The following FIG4 variants were observed in gnomAD, a reference collection of about 807,000 sequenced individuals.
The protein encoded by FIG4 is polyphosphoinositide phosphatase.
A neutral mutation model predicts 118.6 loss-of-function variants in FIG4; 112 were observed. That is an observed-to-expected ratio of 0.94 (90% CI 0.81 to 1.11). The LOEUF is 1.11. Among genes scored for constraint, FIG4 ranks in the 50% least tolerant of loss-of-function variants. The probability of loss-of-function intolerance (pLI) is 0.00; values close to 1 mark genes in which losing one functional copy is unlikely to be tolerated. For synonymous variants in FIG4, 369 were observed against 381.2 expected, an observed-to-expected ratio of 0.97 and a Z score of 0.37; for missense variants, 969 against 1,111.7, an observed-to-expected ratio of 0.87 and a Z score of 1.83.
intron 15 of FIG4, among the ~76,000 whole-genome samples, chr6:109,774,090 G>A (rs1777546805): frequency 6.6e-6 from 1 of 152,144 alleles, no homozygotes; most frequent in African/African-American, 2.4e-5. Context: ...GGGATTACAG[G>A]CATGAGCCTC....
intron 10 of FIG4, among the ~76,000 whole-genome samples, chr6:109,745,058 T>C (rs1440354428): frequency 6.6e-6 from 1 of 152,208 alleles, no homozygotes; most frequent in Non-Finnish European, 1.5e-5. Flanking sequence ...GCATTTGGGT[T>C]GGTTCCAAGT....
chr6:109,818,687 C>G (rs1778927794), intron 22 of FIG4, among the ~76,000 whole-genome samples: 1 of 152,102 alleles, frequency 6.6e-6, no homozygotes, highest in Non-Finnish European at 1.5e-5. Context: ...TGGAACATAT[C>G]CCTGAAGGAT....
At chr6:109,716,924 A>C (rs1257418286) in intron 3 of FIG4, among the ~76,000 whole-genome samples, 1 of 152,146 alleles carries the variant, frequency 6.6e-6, no homozygotes, top group Non-Finnish European at 1.5e-5. Context: ...AAATCACGTA[A>C]AACTGGATTT....
At chr6:109,800,774 GTT>G (rs557373027) in intron 22 of FIG4, among the ~76,000 whole-genome samples, 1 of 152,012 alleles carries the variant, frequency 6.6e-6, no homozygotes, top group Non-Finnish European at 1.5e-5. Context: ...TCTCTATTGT[GTT>G]TTTTCCTTAT....
At chr6:109,695,434 A>G (rs150344552) in intron 1 of FIG4, among the ~76,000 whole-genome samples, 15 of 152,334 alleles carry the variant, frequency 9.8e-5, no homozygotes, top group Middle Eastern at 3.4e-3. Flanking sequence ...GAGCAGCAGC[A>G]TTGTTGTGGT....
intron 10 of FIG4, 42 bp downstream of exon 10, chr6:109,743,814 C>G (rs551424735): frequency 2.1e-6 from 3 of 1,397,660 alleles, no homozygotes; most frequent in African/African-American, 2.8e-5. Flanking sequence ...TTCAGACGCT[C>G]TGGGAAGCCT....
chr6:109,695,579 T>TACAC (rs57747347), intron 1 of FIG4, among the ~76,000 whole-genome samples: 8,114 of 148,764 alleles, frequency 0.055, 416 homozygotes, highest in East Asian at 0.23. Flanking sequence ...ATGCAGTGAA[T>TACAC]ACACACACAC....
chr6:109,738,622 T>A (rs1331889808), intron 7 of FIG4, among the ~76,000 whole-genome samples, 169 bp downstream of exon 7: 1 of 152,130 alleles, frequency 6.6e-6, no homozygotes, highest in Admixed American at 6.6e-5. Flanking sequence ...TGCAGACTAT[T>A]TGAACAGGCC....
chr6:109,693,233 G>A (rs923176757), intron 1 of FIG4, among the ~76,000 whole-genome samples: 1 of 152,070 alleles, frequency 6.6e-6, no homozygotes, highest in Non-Finnish European at 1.5e-5. Flanking sequence ...CATTTATTGA[G>A]GATCAACCAT....
intron 10 of FIG4, among the ~76,000 whole-genome samples, chr6:109,748,423 GAT>G (rs1295559281): frequency 6.6e-6 from 1 of 152,156 alleles, no homozygotes; most frequent in Non-Finnish European, 1.5e-5. Context: ...AGAAAGTGGA[GAT>G]GTCAGTGGAT....
intron 1 of FIG4, among the ~76,000 whole-genome samples, chr6:109,704,210 C>T (rs1774987695): frequency 6.6e-6 from 1 of 152,182 alleles, no homozygotes; most frequent in Non-Finnish European, 1.5e-5. Context: ...TTCCTGATCC[C>T]ATCTACCAGT....
rs763532414 is a variant in FIG4 at position 109,716,545 on chromosome 6, C to T, written c.266C>T (p.Ala89Val). The stretch of plus-strand genomic sequence containing the variant: ...AAAGGATCCTCGGGCTTATTTCGAG[C>T]GGTTTCAGCTTTTGGTGTTGTGGGT... ...GQKGSSGLFR[A>V]VSAFGVVGFV... The change falls in exon 3 of 23, where the codon GCG becomes GTG. Residue 89 changes from alanine (A) to valine (V), a missense_variant. Transcript: ENST00000230124. 6.8e-5 allele frequency: 109 copies of T among 1,613,692 alleles called. No individual in the cohort carries two copies. The highest frequency in any genetic ancestry group is 8.4e-5 in the Non-Finnish European group (99 of 1,179,804).
At chr6:109,768,150 G>C (rs531909455) in intron 15 of FIG4, among the ~76,000 whole-genome samples, 2 of 152,180 alleles carry the variant, frequency 1.3e-5, no homozygotes, top group Non-Finnish European at 2.9e-5. Context: ...TGTGGGCCTC[G>C]TGGAGGAGGG....
intron 22 of FIG4, among the ~76,000 whole-genome samples, chr6:109,807,724 G>A (rs536816755): frequency 1.3e-5 from 2 of 152,156 alleles, no homozygotes; most frequent in Non-Finnish European, 2.9e-5. Context: ...TTTCTTCTAG[G>A]GTTTTTATGG....
intron 16 of FIG4, among the ~76,000 whole-genome samples, chr6:109,778,101 T>C (rs1348438688): frequency 3.3e-5 from 5 of 152,130 alleles, no homozygotes; most frequent in African/African-American, 9.7e-5. Flanking sequence ...AGGCCTCTAA[T>C]GTCAAGTTCT....
At chr6:109,816,076 C>T (rs780934361) in intron 22 of FIG4, among the ~76,000 whole-genome samples, 7 of 152,122 alleles carry the variant, frequency 4.6e-5, no homozygotes, top group Non-Finnish European at 7.4e-5. Flanking sequence ...CCAGTACACT[C>T]GGGCCAAAGC....
intron 7 of FIG4, 98 bp downstream of exon 7, chr6:109,738,551 T>C (rs1014836471): frequency 1.7e-6 from 2 of 1,152,852 alleles, no homozygotes; most frequent in Non-Finnish European, 2.6e-6. Flanking sequence ...ATAATACCAC[T>C]CTGTGCACCC....
chr6:109,738,981 A>G (rs766434145), intron 7 of FIG4, among the ~76,000 whole-genome samples: 3 of 152,182 alleles, frequency 2.0e-5, no homozygotes, highest in Non-Finnish European at 2.9e-5. Flanking sequence ...ATGGCCAGTC[A>G]CCAGATTGCC....
chr6:109,721,728 C>T (rs1197200191), intron 3 of FIG4, among the ~76,000 whole-genome samples: 1 of 151,882 alleles, frequency 6.6e-6, no homozygotes, highest in Non-Finnish European at 1.5e-5. Flanking sequence ...AAGCTGAAGC[C>T]TTTAATTGTT....
Sources: gnomAD v4.1 joint callset for allele counts (sites outside exome capture counted in the v4.1 genomes callset) on GRCh38, gnomAD v4.1.1 for gene constraint, MANE v1.5 for transcripts, NCBI Gene and HGNC (gene_info 2026-07-23, HGNC 2026-07-21) for gene names.